The following ASIC2 variants were observed in gnomAD, a reference collection of about 807,000 sequenced individuals.
The protein encoded by ASIC2 is acid sensing ion channel subunit 2.
A neutral mutation model predicts 57.3 loss-of-function variants in ASIC2; 25 were observed. That is an observed-to-expected ratio of 0.44 (90% CI 0.32 to 0.61). ASIC2 has a LOEUF of 0.61. Ranked by LOEUF, ASIC2 falls within the 20% of genes least tolerant of loss-of-function variation. The pLI is 0.06. For synonymous variants in ASIC2, 319 were observed against 307.5 expected (o/e 1.04, Z -0.39); for missense variants, 641 against 738.1 (o/e 0.87, Z 1.52).
At chr17:33,097,789 C>A (rs2092189207) in intron 2 of ASIC2, among the ~76,000 whole-genome samples, 1 of 152,206 alleles carries the variant, frequency 6.6e-6, no homozygotes, top group Non-Finnish European at 1.5e-5. Flanking sequence ...TAACACGGAC[C>A]AGAGTCGCAG....
chr17:34,105,762 A>G (rs1223781296), intron 1 of ASIC2, among the ~76,000 whole-genome samples: 1 of 152,032 alleles, frequency 6.6e-6, no homozygotes, highest in Non-Finnish European at 1.5e-5. Context: ...CGTTCTTACT[A>G]TGTATATGTG....
chr17:33,440,658 G>A (rs1201059408), intron 1 of ASIC2, among the ~76,000 whole-genome samples: 1 of 152,174 alleles, frequency 6.6e-6, no homozygotes, highest in Non-Finnish European at 1.5e-5. Context: ...AACCATTTTA[G>A]TAGATGTGTA....
intron 1 of ASIC2, among the ~76,000 whole-genome samples, chr17:34,090,766 G>C (rs1026135463): frequency 3.9e-5 from 6 of 152,198 alleles, no homozygotes; most frequent in Non-Finnish European, 7.3e-5. Context: ...GACCCCAAAA[G>C]TACTCAGCCA....
chr17:34,101,691 T>C (rs1173697914), intron 1 of ASIC2, among the ~76,000 whole-genome samples: 1 of 152,216 alleles, frequency 6.6e-6, no homozygotes, highest in African/African-American at 2.4e-5. Flanking sequence ...ATTATACAAG[T>C]GTATGCCTAT....
intron 1 of ASIC2, among the ~76,000 whole-genome samples, chr17:33,443,406 A>AGTTTTTTTT (rs1911895039): frequency 1.3e-5 from 1 of 75,232 alleles, no homozygotes; most frequent in Non-Finnish European, 2.4e-5. Context: ...GGAGGGTAAG[A>AGTTTTTTTT]TTTTTTTTTT....
intron 1 of ASIC2, among the ~76,000 whole-genome samples, chr17:33,635,229 CAAT>C (rs1906316454): frequency 6.6e-6 from 1 of 152,112 alleles, no homozygotes; most frequent in Non-Finnish European, 1.5e-5. Context: ...ATTTGTGGGT[CAAT>C]AATGATAATA....
At chr17:33,347,688 T>A (rs1846845472) in intron 1 of ASIC2, among the ~76,000 whole-genome samples, 1 of 152,072 alleles carries the variant, frequency 6.6e-6, no homozygotes, top group African/African-American at 2.4e-5. Context: ...TGGGGGCTGG[T>A]AGGATATGAA....
intron 1 of ASIC2, among the ~76,000 whole-genome samples, chr17:33,318,982 G>A (rs1333609271): frequency 6.6e-6 from 1 of 152,152 alleles, no homozygotes; most frequent in Non-Finnish European, 1.5e-5. Flanking sequence ...AAAATGGCAG[G>A]CCATTAAAAA....
At chr17:33,379,321 G>A (rs1001641266) in intron 1 of ASIC2, among the ~76,000 whole-genome samples, 2 of 152,264 alleles carry the variant, frequency 1.3e-5, no homozygotes, top group African/African-American at 2.4e-5. Context: ...TGGCAGTTGC[G>A]AAGTTCAGAT....
At chr17:33,558,075 T>A (rs1463139362) in intron 1 of ASIC2, among the ~76,000 whole-genome samples, 1 of 152,062 alleles carries the variant, frequency 6.6e-6, no homozygotes, top group African/African-American at 2.4e-5. Context: ...TCTATTTCTA[T>A]TAAAGATTTT....
chr17:34,010,125 C>A (rs1315576620), intron 1 of ASIC2, among the ~76,000 whole-genome samples: 1 of 152,164 alleles, frequency 6.6e-6, no homozygotes, highest in Non-Finnish European at 1.5e-5. Context: ...TGCTCCTGGG[C>A]TGGTGGGCAG....
chr17:33,675,371 G>T (rs535443795), intron 1 of ASIC2, among the ~76,000 whole-genome samples: 215 of 152,222 alleles, frequency 1.4e-3, no homozygotes, highest in Non-Finnish European at 2.4e-3. Flanking sequence ...TTCCCAAGGG[G>T]TATCTCTGGC....
chr17:33,924,078 A>G (rs1372707505), intron 1 of ASIC2, among the ~76,000 whole-genome samples: 9 of 152,208 alleles, frequency 5.9e-5, no homozygotes, highest in Admixed American at 5.9e-4. Context: ...TCATCTGCTG[A>G]AACATCTAAG....
intron 1 of ASIC2, among the ~76,000 whole-genome samples, chr17:33,985,216 G>A (rs986497528): frequency 2.0e-5 from 3 of 152,162 alleles, no homozygotes; most frequent in African/African-American, 7.2e-5. Flanking sequence ...TAGACCATAG[G>A]CAGATGAGCA....
At chr17:33,934,110 T>G (rs1329138718) in intron 1 of ASIC2, among the ~76,000 whole-genome samples, 2 of 152,210 alleles carry the variant, frequency 1.3e-5, no homozygotes, top group Non-Finnish European at 1.5e-5. Flanking sequence ...GATCAGCCCT[T>G]CTGAGACAGA....
rs556052326 is a variant in ASIC2 at position 33,898,117 on chromosome 17, G to A, written c.555+257861C>T. Among the ~76,000 whole-genome samples, 126 of 151,764 alleles carry A rather than the reference G, an allele frequency of 8.3e-4. 1 individual carries two copies. The highest frequency in any genetic ancestry group is 3.0e-3 in the African/African-American group (124 of 41,416). The stretch of plus-strand genomic sequence containing the variant: ...TTAATCTCATTTTATCCCCAGGGGA[G>A]GTGCTCTGCCCATATTTCTTTCTTT... On this transcript the variant is annotated intron_variant, in intron 1 of 9. Coordinates refer to the ASIC2 transcript ENST00000359872.
At chr17:33,050,093 G>C (rs899701701) in intron 3 of ASIC2, among the ~76,000 whole-genome samples, 1 of 152,152 alleles carries the variant, frequency 6.6e-6, no homozygotes, top group Admixed American at 6.5e-5. Flanking sequence ...AGACCTCAAC[G>C]GAAGACCTGA....
At chr17:33,338,336 T>TGGGTAAGACAGGGGAGACAGTA (rs1013002614) in intron 1 of ASIC2, among the ~76,000 whole-genome samples, 7 of 150,346 alleles carry the variant, frequency 4.7e-5, no homozygotes, top group Admixed American at 1.3e-4. Flanking sequence ...CATGGAGTAT[T>TGGGTAAGACAGGGGAGACAGTA]GGGTAAGACA....
chr17:34,086,832 G>C (rs1910129356), intron 1 of ASIC2, among the ~76,000 whole-genome samples: 1 of 152,176 alleles, frequency 6.6e-6, no homozygotes, highest in Non-Finnish European at 1.5e-5. Context: ...TTGGTTTAAA[G>C]TCTGTTTTAT....
Sources: gnomAD v4.1 joint callset for allele counts (sites outside exome capture counted in the v4.1 genomes callset) on GRCh38, gnomAD v4.1.1 for gene constraint, MANE v1.5 for transcripts, NCBI Gene and HGNC (gene_info 2026-07-23, HGNC 2026-07-21) for gene names.